The following PIGF variants were observed in gnomAD, a reference collection of about 807,000 sequenced individuals.
The protein encoded by PIGF is phosphatidylinositol glycan anchor biosynthesis class F.
In PIGF, 23 loss-of-function variants were observed where a neutral mutation model predicts 26.0. The ratio of observed to expected loss-of-function variants is 0.88; its 90% CI spans 0.64 to 1.25. The LOEUF is 1.25. Among genes scored for constraint, PIGF ranks in the 50% most tolerant of loss-of-function variants. The pLI is 0.00. For synonymous variants in PIGF, 93 were observed against 92.6 expected (o/e 1.00, Z -0.03); for missense variants, 278 against 249.9 (o/e 1.11, Z -0.76).
At chr2:46,614,612 G>C (rs1246463328) in intron 2 of PIGF, 1 of 166,304 alleles carries the variant, frequency 6.0e-6, no homozygotes, top group Non-Finnish European at 1.3e-5. Flanking sequence ...AAAATAAACT[G>C]CAATGTCTTA....
chr2:46,592,390 T>A lies in PIGF; in HGVS notation c.546+85A>T, dbSNP rs1180134807. 2.5e-5 allele frequency: 18 copies of A among 734,048 alleles called. No homozygotes were observed. In the Admixed American group the frequency reaches 3.7e-4, roughly 15 times the overall value. 45.5% of individuals were successfully genotyped at this position (734,048 alleles called of 1,614,324 possible). ...CTACTTAATTGAACAACAAAACAAT[T>A]TACATATACACACTAGTTTGCTTCA... On this transcript the variant is annotated intron_variant, in intron 5 of 5. Coordinates refer to ENST00000281382, the MANE Select transcript of PIGF (RefSeq NM_002643.4).
At chr2:46,598,287 T>C (rs144566724) in intron 4 of PIGF, among the ~76,000 whole-genome samples, 3 of 152,254 alleles carry the variant, frequency 2.0e-5, no homozygotes, top group South Asian at 4.1e-4. Flanking sequence ...CCCCTGAGTT[T>C]CTTTTTTGTT....
intron 5 of PIGF, among the ~76,000 whole-genome samples, chr2:46,586,157 G>T (rs1669566307): frequency 6.6e-6 from 1 of 152,118 alleles, no homozygotes; most frequent in Admixed American, 6.5e-5. Flanking sequence ...ACAACATACT[G>T]GCATTACGTT....
intron 5 of PIGF, chr2:46,582,301 GT>G (rs1669419463): frequency 6.6e-6 from 1 of 151,534 alleles, no homozygotes; most frequent in African/African-American, 2.4e-5. Context: ...AGAAAAAAAA[GT>G]TGGAGGAAAA....
At chr2:46,608,295 T>C (rs191025643) in intron 4 of PIGF, among the ~76,000 whole-genome samples, 33 of 152,252 alleles carry the variant, frequency 2.2e-4, no homozygotes, top group Non-Finnish European at 4.1e-4. Flanking sequence ...ATTCCTCATC[T>C]GTTCCAGTTT....
intron 5 of PIGF, among the ~76,000 whole-genome samples, chr2:46,583,554 G>GA (rs1299358133): frequency 6.6e-5 from 10 of 152,222 alleles, no homozygotes; most frequent in African/African-American, 2.4e-4. Context: ...TGCTTATCAA[G>GA]AGCTTTTTAA....
At chr2:46,586,885 C>CTT (rs1669586907) in intron 5 of PIGF, among the ~76,000 whole-genome samples, 1 of 152,228 alleles carries the variant, frequency 6.6e-6, no homozygotes, top group Non-Finnish European at 1.5e-5. Context: ...TCCATGTATA[C>CTT]ACTCTCCTGT....
At chr2:46,615,379 T>C (rs1572789946) in intron 1 of PIGF, 194 bp from the exon 2 acceptor site, 2 of 430,086 alleles carry the variant, frequency 4.7e-6, no homozygotes, top group Non-Finnish European at 4.2e-6. Context: ...TTTCTTAATA[T>C]GGTACAAACA....
intron 4 of PIGF, among the ~76,000 whole-genome samples, chr2:46,597,070 C>T (rs546725426): frequency 1.3e-5 from 2 of 152,260 alleles, no homozygotes; most frequent in South Asian, 2.1e-4. Context: ...TTCTTCTCCC[C>T]GCTCCTTCCA....
chr2:46,610,984 C>T (rs760439091), intron 4 of PIGF, among the ~76,000 whole-genome samples: 16 of 152,158 alleles, frequency 1.1e-4, no homozygotes, highest in African/African-American at 2.2e-4. Flanking sequence ...TCTCCTTGCA[C>T]GAGGTGCCTT....
intron 5 of PIGF, among the ~76,000 whole-genome samples, chr2:46,586,663 A>AATTTGC (rs1214684241): frequency 1.3e-5 from 2 of 152,190 alleles, no homozygotes; most frequent in Non-Finnish European, 2.9e-5. Context: ...GCTTATCACA[A>AATTTGC]ATTTGCATTT....
In PIGF at chr2:46,589,893, C is replaced by A. The variant is rs935060029; in HGVS notation, c.546+2582G>T. Among the ~76,000 whole-genome samples, 9 of 151,946 alleles carry A rather than the reference C, an allele frequency of 5.9e-5. No homozygotes were observed. The highest frequency in any genetic ancestry group is 2.2e-4 in the African/African-American group (9 of 41,400). On this transcript the variant is annotated intron_variant, in intron 5 of 5. Transcript: ENST00000281382. The surrounding 1 kb of genome is among the most constrained non-coding windows in gnomAD (Gnocchi z 4.7). Reference sequence around the variant, plus strand: ...AAAAAGTGAAAAAAAAACCTCATTTCTTTAGTTTATTAGTAAATAACTGCT... The same window carrying A: ...AAAAAGTGAAAAAAAAACCTCATTTATTTAGTTTATTAGTAAATAACTGCT...
chr2:46,584,921 A>C (rs1669519859), intron 5 of PIGF, among the ~76,000 whole-genome samples: 1 of 152,204 alleles, frequency 6.6e-6, no homozygotes, highest in African/African-American at 2.4e-5. Context: ...AATTATTCTA[A>C]AAATTTTTAA....
chr2:46,605,387 A>G (rs1670185863), intron 4 of PIGF, among the ~76,000 whole-genome samples: 1 of 152,096 alleles, frequency 6.6e-6, no homozygotes, highest in Non-Finnish European at 1.5e-5. Flanking sequence ...GCCCTCCTCC[A>G]TAGTTATCTA....
In PIGF at chr2:46,617,014, C is replaced by T. The variant is rs1670665344; in HGVS notation, c.-66G>A. 1 of 579,998 alleles carries T rather than the reference C, an allele frequency of 1.7e-6. No homozygotes were observed. The highest frequency in any genetic ancestry group is 2.0e-5 in the South Asian group (1 of 49,992). 35.9% of individuals were successfully genotyped at this position (579,998 alleles called of 1,614,324 possible). On this transcript the variant is annotated 5_prime_UTR_variant, in exon 1 of 6. Coordinates refer to ENST00000281382, the MANE Select transcript of PIGF (RefSeq NM_002643.4). The stretch of plus-strand genomic sequence containing the variant: ...AAGGGAAGCGGGGAACTACTGCCTC[C>T]TACCATCAGGTACGACGGGCGGCCC...
chr2:46,603,374 T>C (rs894729659), intron 4 of PIGF, among the ~76,000 whole-genome samples: 2 of 152,030 alleles, frequency 1.3e-5, no homozygotes, highest in Non-Finnish European at 2.9e-5. Context: ...AAAATTTATA[T>C]GGAACCACAA....
intron 5 of PIGF, chr2:46,587,993 C>T: frequency 5.0e-6 from 6 of 1,205,624 alleles, no homozygotes; most frequent in East Asian, 3.0e-5. Context: ...CCTCTTCCCA[C>T]CTGAGTAATG....
At chr2:46,597,360 G>A (rs1376340873) in intron 4 of PIGF, among the ~76,000 whole-genome samples, 1 of 151,916 alleles carries the variant, frequency 6.6e-6, no homozygotes, top group Non-Finnish European at 1.5e-5. Flanking sequence ...GTCTGAAAAT[G>A]ATTTTACTGT....
At chr2:46,611,956 C>T (rs1378453624) in intron 4 of PIGF, among the ~76,000 whole-genome samples, 1 of 142,822 alleles carries the variant, frequency 7.0e-6, no homozygotes, top group African/African-American at 2.5e-5. Context: ...TTTATTTCTT[C>T]TTCTTCTTTT....
Sources: allele counts gnomAD v4.1 joint callset (sites outside exome capture counted in the v4.1 genomes callset), GRCh38; gene constraint gnomAD v4.1.1; non-coding constraint Gnocchi (gnomAD v3.1); transcripts MANE v1.5; gene names NCBI Gene and HGNC (gene_info 2026-07-23, HGNC 2026-07-21).